The following ZNF587 variants were observed in gnomAD, a reference collection of about 807,000 sequenced individuals.
ZNF587 encodes zinc finger protein zfp6.
Under a neutral mutation model 7.5 loss-of-function variants are expected in ZNF587, and 8 were observed. That is an observed-to-expected ratio of 1.06 (90% CI 0.62 to 1.92). The LOEUF (loss-of-function observed/expected upper bound fraction) is 1.92. Ranked by LOEUF, ZNF587 falls within the 40% of genes most tolerant of loss-of-function variation. The probability of loss-of-function intolerance (pLI) is 0.00; values close to 1 mark genes in which losing one functional copy is unlikely to be tolerated. For missense variants in ZNF587, 468 were observed against 692.8 expected (o/e 0.68, Z 3.64); for synonymous variants, 145 against 237.8 (o/e 0.61, Z 3.59).
chr19:57,858,120 A>ATT (rs2071386990), intron 2 of ZNF587: 1 of 145,406 alleles, frequency 6.9e-6, no homozygotes, highest in African/African-American at 2.9e-5. Context: ...AAGAAGCCCC[A>ATT]TCTTTTTTTT....
intron 1 of ZNF587, among the ~76,000 whole-genome samples, chr19:57,853,300 C>A (rs1030319491): frequency 2.0e-5 from 3 of 152,132 alleles, no homozygotes; most frequent in Non-Finnish European, 4.4e-5. Flanking sequence ...TGTGGATATC[C>A]AGAGGGTTGT....
In ZNF587 at chr19:57,856,830, G is replaced by A. The variant is rs907568704; in HGVS notation, c.163+597G>A. ...CACTTTGCCTGCCTCTGGCTGTCAG[G>A]TGACTGTCCAAATCGGTAGCTCTTG... On this transcript the variant is annotated intron_variant, in intron 2 of 2. Coordinates refer to ENST00000339656, the MANE Select transcript of ZNF587 (RefSeq NM_032828.4). Among the ~76,000 whole-genome samples, 38 of 152,122 alleles carry A rather than the reference G, an allele frequency of 2.5e-4. 2 individuals are homozygous for A. Among genetic ancestry groups the A allele is most frequent in the Middle Eastern group, 6.8e-3 (2 of 294 alleles).
intron 1 of ZNF587, chr19:57,853,968 C>G (rs1045694073): frequency 1.3e-5 from 2 of 152,132 alleles, no homozygotes; most frequent in South Asian, 2.1e-4. Context: ...GCTGACCAGG[C>G]TAGTCTTGAA....
chr19:57,859,837 T>C lies in ZNF587; in HGVS notation c.1425T>C (p.Asn475=). 6.2e-7 allele frequency: 1 copy of C among 1,613,530 alleles called. No homozygotes were observed. The highest frequency in any genetic ancestry group is 8.5e-7 in the Non-Finnish European group (1 of 1,179,898). The change falls in exon 3 of 3, where the codon AAT becomes AAC. Residue 475 remains asparagine, a synonymous_variant. Transcript: ENST00000339656. ...ACEVCGKLFG[N]KHSVTIHQRI... Reference sequence around the variant, plus strand: ...AGGTATGTGGGAAATTATTTGGCAATAAGCACAGCGTGACTATACATCAGA... The same window carrying C: ...AGGTATGTGGGAAATTATTTGGCAACAAGCACAGCGTGACTATACATCAGA...
intron 1 of ZNF587, chr19:57,851,162 C>T (rs2071276173): frequency 6.6e-6 from 1 of 152,134 alleles, no homozygotes; most frequent in Non-Finnish European, 1.5e-5. Context: ...CCCAGAAACT[C>T]ACATTAGGTT....
intron 1 of ZNF587, among the ~76,000 whole-genome samples, chr19:57,852,841 T>C (rs1356572315): frequency 2.4e-4 from 15 of 62,942 alleles, no homozygotes; most frequent in African/African-American, 8.1e-4. Context: ...ACAGCTAGGC[T>C]TTTTTTTTTT....
intron 1 of ZNF587, among the ~76,000 whole-genome samples, chr19:57,852,588 G>A (rs552713954): frequency 6.3e-5 from 9 of 142,520 alleles, no homozygotes; most frequent in East Asian, 3.9e-4. Context: ...GTGCAATGGC[G>A]CAATCTTGGG....
At chr19:57,850,947 C>T (rs944282866) in intron 1 of ZNF587, 3 of 164,186 alleles carry the variant, frequency 1.8e-5, no homozygotes, top group Non-Finnish European at 2.6e-5. Flanking sequence ...CGGGTGGCTG[C>T]GGGTTTCAGG....
Position 57,849,923 on chromosome 19 carries a change from G to T in ZNF587, c.-116G>T, listed in dbSNP as rs1295228200. The T allele has an allele frequency of 7.5e-6, 12 of 1,595,060 alleles. No homozygotes were observed. Among genetic ancestry groups the T allele is most frequent in the African/African-American group, 4.0e-5 (3 of 74,666 alleles). On this transcript the variant is annotated 5_prime_UTR_variant, in exon 1 of 3. Coordinates refer to ENST00000339656, the MANE Select transcript of ZNF587 (RefSeq NM_032828.4). Reference sequence around the variant, plus strand: ...TTTGTGGCCCCTGAGTGCTGGGTGGGACCGCGGTGACTGAACCTAGAAGGT... The same window carrying T: ...TTTGTGGCCCCTGAGTGCTGGGTGGTACCGCGGTGACTGAACCTAGAAGGT...
chr19:57,864,524 AG>A lies in ZNF587; in HGVS notation c.*4386del, dbSNP rs2071481124. The A allele has an allele frequency of 6.6e-6, 1 of 152,098 alleles. No homozygotes were observed. Among genetic ancestry groups the A allele is most frequent in the African/African-American group, 2.4e-5 (1 of 41,388 alleles). The allele number at this position is 152,098 out of a possible 1,614,324, so 9.4% of individuals were successfully genotyped here. The stretch of plus-strand genomic sequence containing the variant: ...ATAAGATTGTAAGTTACAAATAGCA[AG>A]GTACAGTCAGATGTTAACAGTCTCA... On this transcript the variant is annotated 3_prime_UTR_variant, in exon 3 of 3. Coordinates refer to ENST00000339656, the MANE Select transcript of ZNF587 (RefSeq NM_032828.4).
intron 2 of ZNF587, 151 bp downstream of exon 2, chr19:57,856,384 T>C: frequency 7.7e-7 from 1 of 1,290,936 alleles, no homozygotes; most frequent in Non-Finnish European, 1.0e-6. Flanking sequence ...AGGAGTAAGG[T>C]GTGTGTATTG....
chr19:57,859,663 T>G lies in ZNF587; in HGVS notation c.1251T>G (p.Phe417Leu). 6.2e-7 allele frequency: 1 copy of G among 1,613,912 alleles called. No homozygotes were observed. The highest frequency in any genetic ancestry group is 8.5e-7 in the Non-Finnish European group (1 of 1,179,978). The change falls in exon 3 of 3, where the codon TTT becomes TTG. Residue 417 changes from phenylalanine to leucine, a missense_variant. Phe to Leu is a conservative substitution (Grantham distance 22, BLOSUM62 0). This residue lies in a region of ZNF587 where 310 missense variants were observed against 325.6 expected (regional missense o/e 0.95). Transcript: ENST00000339656. ...AGTGCAAGGAATGTGGGAAATCATT[T>G]AGGTACAGATCCCACCTCACTGAAC... ...PYECKECGKS[F>L]RYRSHLTEHQ...
Position 57,860,355 on chromosome 19 carries a change from G to C in ZNF587, c.*215G>C, listed in dbSNP as rs183451042. The C allele has an allele frequency of 1.1e-4, 94 of 831,706 alleles. No homozygotes were observed. The East Asian group carries it at 1.5e-3, about 13-fold the overall frequency. 51.5% of individuals were successfully genotyped at this position (831,706 alleles called of 1,614,324 possible). ...GCAGTCTTGGCTCGCTGCAACTTGG[G>C]CCTCCTGGGTTCATGCAATCCTCCT... On this transcript the variant is annotated 3_prime_UTR_variant, in exon 3 of 3. Transcript: ENST00000339656.
At position 57,860,057 on chromosome 19, in the gene ZNF587, G is replaced by C; in HGVS notation, c.1645G>C (p.Glu549Gln). The change falls in exon 3 of 3, where the codon GAA (glutamate) becomes CAA (glutamine). Residue 549 changes from glutamate to glutamine, a missense_variant. Glu to Gln is a conservative substitution (Grantham distance 29). This residue lies in a region of ZNF587 where 310 missense variants were observed against 325.6 expected (regional missense o/e 0.95). Transcript: ENST00000339656. ...RRIHTGERPY[E>Q]CTKCGKTFQR... is the part of the protein sequence containing the mutation. ...AATTCACACTGGAGAAAGGCCTTAT[G>C]AATGCACCAAATGTGGAAAAACATT... 1 of 1,613,508 alleles carries C rather than the reference G, an allele frequency of 6.2e-7. No individual in the cohort carries two copies. The highest frequency in any genetic ancestry group is 8.5e-7 in the Non-Finnish European group (1 of 1,179,478).
In ZNF587 at chr19:57,860,460, G is replaced by T; in HGVS notation, c.*320G>T. The T allele has an allele frequency of 2.6e-6, 1 of 378,802 alleles. No homozygotes were observed. Among genetic ancestry groups the T allele is most frequent in the Non-Finnish European group, 4.9e-6 (1 of 205,464 alleles). The allele number at this position is 378,802 out of a possible 1,614,324, so 23.5% of individuals were successfully genotyped here. A position where few individuals can be genotyped will look rare whatever the true frequency, so the allele number is the denominator to read the frequency against. On this transcript the variant is annotated 3_prime_UTR_variant, in exon 3 of 3. Coordinates refer to ENST00000339656, the MANE Select transcript of ZNF587 (RefSeq NM_032828.4). The stretch of plus-strand genomic sequence containing the variant: ...ATTTTTGTGTTTTTAGTGGAGATGG[G>T]GTTTTACCATGTTGGCCAGGCTGGT...
chr19:57,855,092 G>A (rs1486037666), intron 1 of ZNF587, among the ~76,000 whole-genome samples: 1 of 151,864 alleles, frequency 6.6e-6, no homozygotes, highest in Non-Finnish European at 1.5e-5. Flanking sequence ...GCTGAGGCAG[G>A]AGAATGGCCT....
Position 57,859,393 on chromosome 19 carries a change from A to C in ZNF587, c.981A>C (p.Arg327Ser), listed in dbSNP as rs748523403. ...VHTGEGPYEC[R>S]ECGKSFGQKG... is the part of the protein sequence containing the mutation. ...CTGGAGAAGGGCCTTATGAGTGTAG[A>C]GAATGTGGGAAATCTTTTGGTCAAA... is the stretch of plus-strand genomic sequence containing the variant. The change falls in exon 3 of 3, where the codon AGA (arginine) becomes AGC (serine). Residue 327 changes from arginine to serine, a missense_variant. This residue lies in a region of ZNF587 where 310 missense variants were observed against 325.6 expected (regional missense o/e 0.95). Transcript: ENST00000339656. 1.5e-5 allele frequency: 24 copies of C among 1,607,772 alleles called. 2 individuals carry two copies. In the East Asian group the frequency reaches 1.6e-4, roughly 10 times the overall value.
At chr19:57,856,566 C>G (rs1352943263) in intron 2 of ZNF587, among the ~76,000 whole-genome samples, 1 of 151,950 alleles carries the variant, frequency 6.6e-6, no homozygotes, top group Non-Finnish European at 1.5e-5. Context: ...TACCACCACG[C>G]CTGGCTAATT....
At position 57,861,773 on chromosome 19, in the gene ZNF587, C is replaced by CTTTTTTTTTTTTTTTTTTTTTTTTTTTTT. The variant is rs59253366; in HGVS notation, c.*1649_*1650insTTTTTTTTTTTTTTTTTTTTTTTTTTTTT. 1 of 119,286 alleles carries CTTTTTTTTTTTTTTTTTTTTTTTTTTTTT rather than the reference C, an allele frequency of 8.4e-6. No homozygotes were observed. Among genetic ancestry groups the CTTTTTTTTTTTTTTTTTTTTTTTTTTTTT allele is most frequent in the African/African-American group, 3.4e-5 (1 of 29,266 alleles). The allele number at this position is 119,286 out of a possible 1,614,324, so 7.4% of individuals were successfully genotyped here. On this transcript the variant is annotated 3_prime_UTR_variant, in exon 3 of 3. Coordinates refer to ENST00000339656, the MANE Select transcript of ZNF587 (RefSeq NM_032828.4). ...TTTGCTGCAAGGAATATTTGGTTTT[C>CTTTTTTTTTTTTTTTTTTTTTTTTTTTTT]TTTTTTTTTTTTTTTTCCAGATGGA... is the stretch of plus-strand genomic sequence containing the variant.
Sources: allele counts gnomAD v4.1 joint callset (sites outside exome capture counted in the v4.1 genomes callset), GRCh38; gene constraint gnomAD v4.1.1; regional missense constraint gnomAD v4.1.1; transcripts MANE v1.5; gene names NCBI Gene and HGNC (gene_info 2026-07-23, HGNC 2026-07-21).